The following ANK2 variants were observed in gnomAD, a reference collection of about 807,000 sequenced individuals.
The protein encoded by ANK2 is ankyrin 2, also known as ankyrin-2.
A neutral mutation model predicts 360.5 loss-of-function variants in ANK2; 83 were observed. The ratio of observed to expected loss-of-function variants is 0.23; its 90% CI spans 0.19 to 0.28. The LOEUF is 0.28. Among genes scored for constraint, ANK2 ranks in the 10% least tolerant of loss-of-function variants. The pLI is 1.00. For synonymous variants in ANK2, 1,740 were observed against 1,759.5 expected (o/e 0.99, Z 0.28); for missense variants, 4,201 against 4,795.7 (o/e 0.88, Z 3.66).
At position 113,367,813 on chromosome 4, in the gene ANK2, G is replaced by T. The variant is rs769085254; in HGVS notation, c.11280G>T (p.Leu3760=). 1.2e-6 allele frequency: 2 copies of T among 1,613,992 alleles called. No individual in the cohort carries two copies. Among genetic ancestry groups the T allele is most frequent in the African/African-American group, 1.3e-5 (1 of 74,916 alleles). ...ATTTCTCAGGGAAAATGCAAGACCT[G>T]CCTGAAGAGTCATCTCTGGAATATC... ...QQDFSGKMQD[L]PEESSLEYQQ... Residue 3760 remains leucine (L), a synonymous_variant, in exon 42 of 46, where the codon CTG becomes CTT. Coordinates refer to ENST00000357077, the MANE Select transcript of ANK2 (RefSeq NM_001148.6).
chr4:113,367,878 A>G (rs765281529), intron 42 of ANK2, 27 bp downstream of exon 42: 25 of 1,613,508 alleles, frequency 1.5e-5, no homozygotes, highest in South Asian at 8.8e-5. Flanking sequence ...AGCCTGTCAA[A>G]TGTAATACCA....
intron 2 of ANK2, among the ~76,000 whole-genome samples, chr4:113,026,885 G>C (rs982448565): frequency 1.3e-5 from 2 of 152,080 alleles, no homozygotes; most frequent in African/African-American, 4.8e-5. Flanking sequence ...CCTTGGAAAG[G>C]GTGGCTTTTT....
rs983618342 is a variant in ANK2, at chr4:112,859,293, T to C, written c.-40+41029T>C. On this transcript the variant is annotated intron_variant, in intron 1 of 30. Transcript: ENST00000503271. ...CCTGGGCAAAGCAAAAGAGAGAACT[T>C]AGCCTTTTCCTTAGTTGCACTTTCT... Among the ~76,000 whole-genome samples the C allele has an allele frequency of 3.9e-5, 6 of 152,220 alleles. No homozygotes were observed. The East Asian group carries it at 1.2e-3, about 29-fold the overall frequency.
intron 2 of ANK2, among the ~76,000 whole-genome samples, chr4:112,926,392 G>A (rs1349425822): frequency 6.6e-6 from 1 of 152,168 alleles, no homozygotes; most frequent in African/African-American, 2.4e-5. Flanking sequence ...CCCACATGTT[G>A]ATAGTTTTTA....
At chr4:113,178,828 G>A (rs1044293892) in intron 2 of ANK2, among the ~76,000 whole-genome samples, 1 of 152,170 alleles carries the variant, frequency 6.6e-6, no homozygotes, top group African/African-American at 2.4e-5. Context: ...GCCCACAGTG[G>A]TTAAGTGACA....
At chr4:112,883,365 C>CG (rs1180613877) in intron 1 of ANK2, among the ~76,000 whole-genome samples, 1 of 151,840 alleles carries the variant, frequency 6.6e-6, no homozygotes, top group Non-Finnish European at 1.5e-5. Flanking sequence ...TTCCAACCTG[C>CG]GGAGTTGCAT....
At chr4:113,302,866 A>T (rs1201994139) in intron 23 of ANK2, 27 bp downstream of exon 23, 2 of 1,584,884 alleles carry the variant, frequency 1.3e-6, no homozygotes, top group South Asian at 2.2e-5. Flanking sequence ...ATCTTCTATG[A>T]CACCTGTCAT....
intron 2 of ANK2, among the ~76,000 whole-genome samples, chr4:113,185,040 C>CT (rs1249119616): frequency 2.0e-5 from 3 of 152,100 alleles, no homozygotes; most frequent in East Asian, 1.9e-4. Flanking sequence ...TGAACTCATC[C>CT]TTTTTTATGG....
chr4:113,141,694 T>C (rs1269282449), intron 1 of ANK2, among the ~76,000 whole-genome samples: 3 of 152,220 alleles, frequency 2.0e-5, no homozygotes, highest in Admixed American at 2.0e-4. Flanking sequence ...CAGTTATTTC[T>C]TCTCCAAGGT....
At chr4:112,844,220 G>A (rs2062789377) in intron 1 of ANK2, among the ~76,000 whole-genome samples, 1 of 152,166 alleles carries the variant, frequency 6.6e-6, no homozygotes, top group East Asian at 1.9e-4. Context: ...GACAGCTCCC[G>A]ACAATGGTGT....
Position 113,383,274 on chromosome 4 carries a change from G to A in ANK2, c.*1803G>A, listed in dbSNP as rs2154093697. ...GCCAAGAGAAAAAATTTCCTGGGAG[G>A]GAGGTTTCCCACAAGCCAAATCTCC... On this transcript the variant is annotated 3_prime_UTR_variant, in exon 46 of 46. Transcript: ENST00000357077. 1 of 152,676 alleles carries A rather than the reference G, an allele frequency of 6.5e-6. No homozygotes were observed. Among genetic ancestry groups the A allele is most frequent in the East Asian group, 1.9e-4 (1 of 5,170 alleles). The allele number at this position is 152,676 out of a possible 1,614,324, so 9.5% of individuals were successfully genotyped here. A position where few individuals can be genotyped will look rare whatever the true frequency, so the allele number is the denominator to read the frequency against.
intron 4 of ANK2, among the ~76,000 whole-genome samples, chr4:113,205,324 T>A (rs1211234626): frequency 6.6e-6 from 1 of 151,778 alleles, no homozygotes; most frequent in Non-Finnish European, 1.5e-5. Flanking sequence ...TGTCTCTACA[T>A]TCTTCTACTT....
intron 2 of ANK2, among the ~76,000 whole-genome samples, chr4:112,934,761 A>G (rs571293239): frequency 6.6e-6 from 1 of 152,332 alleles, no homozygotes; most frequent in South Asian, 2.1e-4. Context: ...ATTCTAGTGG[A>G]AGGTGACAGA....
At chr4:113,232,289 T>G in intron 5 of ANK2, 30 bp downstream of exon 5, 1 of 1,474,200 alleles carries the variant, frequency 6.8e-7, no homozygotes, top group Non-Finnish European at 9.5e-7. Flanking sequence ...AGCCTTGAAT[T>G]CTTTGATCTT....
intron 2 of ANK2, among the ~76,000 whole-genome samples, chr4:113,026,392 G>C (rs1019560948): frequency 1.3e-5 from 2 of 152,160 alleles, no homozygotes; most frequent in Non-Finnish European, 2.9e-5. Flanking sequence ...TATATGTCCT[G>C]AAGATCCTTT....
chr4:112,873,473 ATTTTGTTTAATT>A (rs1389605337), intron 1 of ANK2, among the ~76,000 whole-genome samples: 1 of 150,696 alleles, frequency 6.6e-6, no homozygotes, highest in East Asian at 1.9e-4. Context: ...TATTAGAAGT[ATTTTGTTTAATT>A]TCCACTTATT....
At chr4:113,177,478 T>G (rs1182360839) in intron 2 of ANK2, among the ~76,000 whole-genome samples, 3 of 152,208 alleles carry the variant, frequency 2.0e-5, no homozygotes, top group African/African-American at 4.8e-5. Context: ...AATGAAACCG[T>G]TAGTTCATTT....
At chr4:113,314,486 G>A (rs1490073995) in intron 24 of ANK2, among the ~76,000 whole-genome samples, 3 of 152,060 alleles carry the variant, frequency 2.0e-5, no homozygotes, top group African/African-American at 7.2e-5. Context: ...ACATCCCCTA[G>A]ATGAACAGCA....
chr4:113,132,063 TA>T (rs1456981439), intron 1 of ANK2, among the ~76,000 whole-genome samples: 1 of 152,102 alleles, frequency 6.6e-6, no homozygotes, highest in Admixed American at 6.5e-5. Flanking sequence ...TTTTACCATA[TA>T]AAAGAAAAAA....
Sources: allele counts gnomAD v4.1 joint callset (sites outside exome capture counted in the v4.1 genomes callset), GRCh38; gene constraint gnomAD v4.1.1; transcripts MANE v1.5; gene names NCBI Gene and HGNC (gene_info 2026-07-23, HGNC 2026-07-21).